The following ANK2 variants were observed in gnomAD, a reference collection of about 807,000 sequenced individuals.
The protein encoded by ANK2 is ankyrin 2.
ANK2 carries 83 observed loss-of-function variants against 360.5 expected under a neutral mutation model. The ratio of observed to expected loss-of-function variants is 0.23; its 90% confidence interval spans 0.19 to 0.28. The LOEUF is 0.28. Among genes scored for constraint, ANK2 ranks in the 10% least tolerant of loss-of-function variants. The probability of loss-of-function intolerance (pLI) is 1.00; values close to 1 mark genes in which losing one functional copy is unlikely to be tolerated. For synonymous variants in ANK2, 1,740 were observed against 1,759.5 expected (o/e 0.99, Z 0.28); for missense variants, 4,201 against 4,795.7 (o/e 0.88, Z 3.66).
At chr4:112,878,290 T>G (rs1031836727) in intron 1 of ANK2, among the ~76,000 whole-genome samples, 3 of 152,078 alleles carry the variant, frequency 2.0e-5, no homozygotes, top group Non-Finnish European at 2.9e-5. Flanking sequence ...TTTCTCTTTC[T>G]GTTGTGGTTC....
intron 1 of ANK2, among the ~76,000 whole-genome samples, chr4:112,837,906 T>G (rs1359746414): frequency 6.6e-6 from 1 of 152,234 alleles, no homozygotes; most frequent in Non-Finnish European, 1.5e-5. Flanking sequence ...AGATTAGACT[T>G]TGCACTTAGA....
At chr4:113,126,114 T>A (rs1451045753) in intron 1 of ANK2, among the ~76,000 whole-genome samples, 1 of 152,214 alleles carries the variant, frequency 6.6e-6, no homozygotes, top group African/African-American at 2.4e-5. Flanking sequence ...AGAACCACAG[T>A]TGATTTCTCC....
intron 1 of ANK2, among the ~76,000 whole-genome samples, chr4:112,886,971 A>G (rs892806543): frequency 1.3e-5 from 2 of 152,178 alleles, no homozygotes; most frequent in Non-Finnish European, 2.9e-5. Context: ...CGTTCTCCCA[A>G]TTTTTTGCTA....
chr4:112,759,552 C>T, the ANK2 span, among the ~76,000 whole-genome samples: 2 of 152,156 alleles, frequency 1.3e-5, no homozygotes, highest in African/African-American at 2.4e-5. Flanking sequence ...TAAGCATCCT[C>T]TTTGCTCTGT....
At chr4:112,990,905 C>A (rs2046508315) in intron 2 of ANK2, among the ~76,000 whole-genome samples, 1 of 152,150 alleles carries the variant, frequency 6.6e-6, no homozygotes, top group Admixed American at 6.5e-5. Context: ...TAACAAACTT[C>A]CAAATTGGAT....
intron 1 of ANK2, among the ~76,000 whole-genome samples, chr4:113,158,335 G>A (rs1246319020): frequency 6.6e-6 from 1 of 152,164 alleles, no homozygotes; most frequent in East Asian, 1.9e-4. Context: ...AAACACATAT[G>A]AGTAATTCTC....
intron 1 of ANK2, among the ~76,000 whole-genome samples, chr4:113,159,341 T>C (rs1298452122): frequency 6.6e-6 from 1 of 152,152 alleles, no homozygotes. Context: ...ATAGTAATTA[T>C]AAAGAAAACA....
chr4:112,713,790 C>T, the ANK2 span, among the ~76,000 whole-genome samples: 16 of 150,590 alleles, frequency 1.1e-4, no homozygotes, highest in African/African-American at 1.7e-4. Context: ...AAAAATTAGC[C>T]GGGCGTGGTG....
At chr4:112,958,556 T>A (rs1444459647) in intron 2 of ANK2, among the ~76,000 whole-genome samples, 1 of 152,030 alleles carries the variant, frequency 6.6e-6, no homozygotes, top group Non-Finnish European at 1.5e-5. Context: ...ACAGTCCAGC[T>A]TCGGCTCGGC....
intron 1 of ANK2, chr4:113,107,062 A>G (rs1212033495): frequency 2.7e-6 from 1 of 372,310 alleles, no homozygotes; most frequent in Non-Finnish European, 5.3e-6. Flanking sequence ...GCGTCCCTTT[A>G]TTCTGATTAA....
At chr4:113,160,741 G>A (rs538213042) in intron 1 of ANK2, among the ~76,000 whole-genome samples, 3 of 152,314 alleles carry the variant, frequency 2.0e-5, no homozygotes, top group South Asian at 2.1e-4. Flanking sequence ...ATATAGACAC[G>A]TAAACAGATG....
chr4:112,791,804 C>G, the ANK2 span, among the ~76,000 whole-genome samples: 1 of 151,636 alleles, frequency 6.6e-6, no homozygotes, highest in Admixed American at 6.6e-5. Context: ...CCTCTTACTT[C>G]TAAAGCAGCC....
intron 2 of ANK2, among the ~76,000 whole-genome samples, chr4:112,918,607 A>G (rs144170190): frequency 1.2e-3 from 176 of 152,326 alleles, no homozygotes; most frequent in Non-Finnish European, 2.2e-3. Context: ...GAGGGGAATG[A>G]TGCCACACTC....
At chr4:113,213,763 A>G (rs1438268921) in intron 4 of ANK2, among the ~76,000 whole-genome samples, 1 of 152,148 alleles carries the variant, frequency 6.6e-6, no homozygotes, top group Non-Finnish European at 1.5e-5. Context: ...TAGGAATATC[A>G]GGTTCTTTGC....
At chr4:112,856,539 C>T (rs749954609) in intron 1 of ANK2, among the ~76,000 whole-genome samples, 1 of 152,116 alleles carries the variant, frequency 6.6e-6, no homozygotes, top group Non-Finnish European at 1.5e-5. Context: ...ACCAGCCTGG[C>T]CAATATGGTG....
intron 2 of ANK2, among the ~76,000 whole-genome samples, chr4:113,039,927 G>T (rs2062541887): frequency 6.6e-6 from 1 of 151,662 alleles, no homozygotes; most frequent in Non-Finnish European, 1.5e-5. Context: ...TTTATCAATG[G>T]GCCCGGAGTT....
At chr4:113,052,706 G>A (rs1004234609) in intron 1 of ANK2, among the ~76,000 whole-genome samples, 4 of 152,200 alleles carry the variant, frequency 2.6e-5, no homozygotes, top group Admixed American at 6.5e-5. Flanking sequence ...ACCACAAGGA[G>A]TACACTGGTG....
At chr4:113,272,110 G>C (rs2058747736) in intron 14 of ANK2, among the ~76,000 whole-genome samples, 1 of 152,182 alleles carries the variant, frequency 6.6e-6, no homozygotes, top group Admixed American at 6.5e-5. Context: ...TGGCTCCTGG[G>C]AACCCTGTTA....
chr4:113,023,297 T>C (rs6826293), intron 2 of ANK2, among the ~76,000 whole-genome samples: 121,476 of 152,056 alleles, frequency 0.8, 48,499 homozygotes, highest in South Asian at 0.87. Flanking sequence ...TTCACAAACT[T>C]CCCACCAATG....
Sources: allele counts gnomAD v4.1 joint callset (sites outside exome capture counted in the v4.1 genomes callset), GRCh38; gene constraint gnomAD v4.1.1; transcripts MANE v1.5; gene names NCBI Gene and HGNC (gene_info 2026-07-23, HGNC 2026-07-21).